Variants in CTNNA2 observed in about 807,000 individuals in gnomAD.
CTNNA2 encodes the protein catenin alpha-2.
A neutral mutation model predicts 101.0 loss-of-function variants in CTNNA2; 42 were observed. That is an observed-to-expected ratio of 0.42 (90% confidence interval 0.32 to 0.54). The LOEUF is 0.54. Among genes scored for constraint, CTNNA2 ranks in the 20% least tolerant of loss-of-function variants. The pLI is 0.14. For synonymous variants in CTNNA2, 450 were observed against 456.4 expected (o/e 0.99, Z 0.18); for missense variants, 871 against 1,223.1 (o/e 0.71, Z 4.29).
chr2:79,808,864 C>A (rs1315486957), intron 3 of CTNNA2, among the ~76,000 whole-genome samples: 2 of 151,696 alleles, frequency 1.3e-5, no homozygotes, highest in African/African-American at 4.8e-5. Flanking sequence ...TAGGTATACA[C>A]GTGCCATGGT....
chr2:79,363,797 C>G (rs1558646524), intron 3 of CTNNA2, among the ~76,000 whole-genome samples: 1 of 152,178 alleles, frequency 6.6e-6, no homozygotes, highest in Non-Finnish European at 1.5e-5. Flanking sequence ...AATTATACAG[C>G]ACAGTGTTAC....
rs537369323 is a variant in CTNNA2, at chr2:79,773,942, A to G, written c.298+29360A>G. ...AATCTTGGCTGCTGTATTATTATAG[A>G]GACTCGAGTCCCCTTTTGGTAGATT... On this transcript the variant is annotated intron_variant, in intron 3 of 18. Coordinates refer to ENST00000402739, the MANE Select transcript of CTNNA2 (RefSeq NM_001282597.3). Among the ~76,000 whole-genome samples the G allele has an allele frequency of 2.8e-4, 42 of 152,278 alleles. 1 individual carries two copies. In the Middle Eastern group the frequency reaches 0.014, roughly 49 times the overall value.
chr2:79,961,238 C>T (rs148487550), intron 7 of CTNNA2, among the ~76,000 whole-genome samples: 48 of 152,250 alleles, frequency 3.2e-4, no homozygotes, highest in African/African-American at 1.1e-3. Context: ...TGGGCCTCTA[C>T]TATGTGCTGG....
intron 7 of CTNNA2, among the ~76,000 whole-genome samples, chr2:80,200,576 C>T (rs954948044): frequency 6.6e-5 from 10 of 152,116 alleles, no homozygotes; most frequent in Non-Finnish European, 1.3e-4. Flanking sequence ...CACTGTATCA[C>T]CCAGGCTGGA....
intron 7 of CTNNA2, among the ~76,000 whole-genome samples, chr2:80,359,133 T>C (rs1253482973): frequency 6.6e-6 from 1 of 152,072 alleles, no homozygotes; most frequent in Non-Finnish European, 1.5e-5. Context: ...ACCAGCACTT[T>C]GGGAGGCTGA....
intron 12 of CTNNA2, among the ~76,000 whole-genome samples, chr2:80,559,891 T>TATATATATATACACACACACAC (rs1553387588): frequency 6.8e-6 from 1 of 146,818 alleles, no homozygotes; most frequent in African/African-American, 2.6e-5. Flanking sequence ...TATATATATA[T>TATATATATATACACACACACAC]ACACACACAT....
intron 9 of CTNNA2, among the ~76,000 whole-genome samples, chr2:80,484,747 C>T (rs897782606): frequency 8.5e-5 from 13 of 152,158 alleles, no homozygotes; most frequent in Non-Finnish European, 1.6e-4. Flanking sequence ...TGACTCACAC[C>T]TGTAATCCCA....
intron 4 of CTNNA2, among the ~76,000 whole-genome samples, chr2:79,503,330 G>A (rs752658421): frequency 2.0e-5 from 3 of 152,104 alleles, no homozygotes; most frequent in Non-Finnish European, 2.9e-5. Context: ...GTGGTATATG[G>A]AAACACTCGA....
chr2:79,381,175 C>A (rs111500991), intron 4 of CTNNA2, among the ~76,000 whole-genome samples: 1 of 152,078 alleles, frequency 6.6e-6, no homozygotes, highest in African/African-American at 2.4e-5. Flanking sequence ...AACTCACAAG[C>A]GTATTTAAAA....
intron 7 of CTNNA2, among the ~76,000 whole-genome samples, chr2:80,183,132 C>T (rs942928829): frequency 9.9e-5 from 15 of 152,050 alleles, no homozygotes; most frequent in African/African-American, 3.4e-4. Flanking sequence ...TGCTTCCCAC[C>T]GCTAAATGTC....
chr2:79,480,785 A>G (rs926425921), intron 4 of CTNNA2, among the ~76,000 whole-genome samples: 3 of 152,116 alleles, frequency 2.0e-5, no homozygotes, highest in Non-Finnish European at 4.4e-5. Flanking sequence ...GAATGCAGCA[A>G]CCTTTCTAAT....
rs531331865 is a variant in CTNNA2, at chr2:79,528,145, G to A, written c.-6+14938G>A. 2.6e-5 allele frequency among the ~76,000 whole-genome samples: 4 copies of A among 152,186 alleles called. No individual in the cohort carries two copies. In the South Asian group the frequency reaches 8.3e-4, roughly 32 times the overall value. On this transcript the variant is annotated intron_variant, in intron 1 of 18. Coordinates refer to ENST00000402739, the MANE Select transcript of CTNNA2 (RefSeq NM_001282597.3). ...GTAGAGAAAAACTAGTGGTTGTCAG[G>A]GTTTGGGAGAAGGGAGGAATGAAGA... is the stretch of plus-strand genomic sequence containing the variant.
At chr2:80,425,676 A>G (rs1680926762) in intron 9 of CTNNA2, among the ~76,000 whole-genome samples, 1 of 152,124 alleles carries the variant, frequency 6.6e-6, no homozygotes, top group Non-Finnish European at 1.5e-5. Context: ...GAGTTTAATG[A>G]TAGTATATTC....
In CTNNA2 at chr2:79,313,750, G is replaced by A. The variant is rs578187479; in HGVS notation, c.-318+954G>A. On this transcript the variant is annotated intron_variant, in intron 3 of 21. Coordinates refer to the CTNNA2 transcript ENST00000466387. ...TCCTGGGGTCATGAGGAAGAGGGTA[G>A]CATTGCTCTGAGGCCTGCCCATAGA... Among the ~76,000 whole-genome samples, 7 of 152,300 alleles carry A rather than the reference G, an allele frequency of 4.6e-5. No homozygotes were observed. The South Asian group carries it at 1.0e-3, about 23-fold the overall frequency.
intron 1 of CTNNA2, among the ~76,000 whole-genome samples, chr2:79,563,131 A>G (rs1164558995): frequency 1.4e-5 from 2 of 147,136 alleles, no homozygotes; most frequent in East Asian, 4.0e-4. Context: ...AGGCATTTGG[A>G]AAAAGGAAAA....
intron 7 of CTNNA2, among the ~76,000 whole-genome samples, chr2:80,370,797 C>T (rs1675371358): frequency 1.3e-5 from 2 of 152,172 alleles, no homozygotes; most frequent in Admixed American, 1.3e-4. Flanking sequence ...AGGTTCATGG[C>T]TGAGGCCCCT....
chr2:80,531,624 G>T (rs532501385), intron 9 of CTNNA2, among the ~76,000 whole-genome samples: 7 of 152,076 alleles, frequency 4.6e-5, no homozygotes, highest in Non-Finnish European at 8.8e-5. Context: ...GGTCCTTCTG[G>T]GTCTTCTGCT....
rs138961551 is a variant in CTNNA2 at position 79,209,147 on chromosome 2, C to A, written c.-406+11071C>A. ...CCTGGGCAACATAGCTAAACCCCAT[C>A]TCTACAAATGAAACACAGAATAAAA... On this transcript the variant is annotated intron_variant, in intron 2 of 21. Transcript: ENST00000466387. 9.7e-3 allele frequency among the ~76,000 whole-genome samples: 1,475 copies of A among 152,216 alleles called. 15 individuals carry two copies. Among genetic ancestry groups the A allele is most frequent in the Non-Finnish European group, 0.016 (1,094 of 68,012 alleles).
intron 2 of CTNNA2, among the ~76,000 whole-genome samples, chr2:79,224,066 G>C (rs1455547464): frequency 5.9e-5 from 9 of 152,146 alleles, no homozygotes; most frequent in Non-Finnish European, 1.3e-4. Flanking sequence ...TGAAAGTTTT[G>C]CCAAAGTCTT....
Sources: gnomAD v4.1 joint callset for allele counts (sites outside exome capture counted in the v4.1 genomes callset) on GRCh38, gnomAD v4.1.1 for gene constraint, MANE v1.5 for transcripts, NCBI Gene and HGNC (gene_info 2026-07-23, HGNC 2026-07-21) for gene names.